Variants in NRXN3 observed in about 807,000 individuals in gnomAD.
The protein encoded by NRXN3 is neurexin III.
Under a neutral mutation model 137.6 loss-of-function variants are expected in NRXN3, and 32 were observed. The observed-to-expected ratio is 0.23, with a 90% CI of 0.18 to 0.31. The LOEUF (loss-of-function observed/expected upper bound fraction) is 0.31, where lower values mean the gene tolerates loss of function less well. Among genes scored for constraint, NRXN3 ranks in the 10% least tolerant of loss-of-function variants. NRXN3 has a pLI of 1.00. For missense variants in NRXN3, 1,574 were observed against 2,062.5 expected, an observed-to-expected ratio of 0.76 and a Z score of 4.59; for synonymous variants, 798 against 784.5, an observed-to-expected ratio of 1.02 and a Z score of -0.29.
chr14:79,272,394 T>C (rs2079491498), intron 15 of NRXN3, among the ~76,000 whole-genome samples: 2 of 152,162 alleles, frequency 1.3e-5, no homozygotes, highest in South Asian at 4.1e-4. Flanking sequence ...GGTTTCTTTG[T>C]ATCCTGAGTG....
Position 78,701,350 on chromosome 14 carries a change from C to G in NRXN3, c.1222-7867C>G, listed in dbSNP as rs55702113. On this transcript the variant is annotated intron_variant, in intron 6 of 20. Coordinates refer to ENST00000335750, the MANE Select transcript of NRXN3 (RefSeq NM_001330195.2). ...TAAAGCCTACGCTTAACTTGAGCAC[C>G]GGTAGTAATGACTCGCATTATCAGC... Among the ~76,000 whole-genome samples the G allele has an allele frequency of 2.0e-5, 3 of 152,158 alleles. No individual in the cohort carries two copies. In the South Asian group the frequency reaches 6.2e-4, roughly 32 times the overall value.
At chr14:78,942,778 C>T (rs1298332250) in intron 10 of NRXN3, among the ~76,000 whole-genome samples, 2 of 152,066 alleles carry the variant, frequency 1.3e-5, no homozygotes, top group Non-Finnish European at 2.9e-5. Context: ...AAATGTTCCC[C>T]AAACAACTAA....
intron 15 of NRXN3, among the ~76,000 whole-genome samples, chr14:79,439,577 G>C (rs1370310499): frequency 6.6e-6 from 1 of 152,112 alleles, no homozygotes; most frequent in Non-Finnish European, 1.5e-5. Context: ...AGGGTCTCTG[G>C]AGACCTGACC....
chr14:79,223,724 A>T (rs2070274893), intron 15 of NRXN3, among the ~76,000 whole-genome samples: 1 of 152,160 alleles, frequency 6.6e-6, no homozygotes, highest in Non-Finnish European at 1.5e-5. Flanking sequence ...GACATTTTTT[A>T]GCACTTTGCT....
At chr14:78,714,222 G>A (rs1674359069) in intron 7 of NRXN3, among the ~76,000 whole-genome samples, 1 of 152,198 alleles carries the variant, frequency 6.6e-6, no homozygotes. Flanking sequence ...TCTTTTGGGG[G>A]TTGGTGAGCC....
chr14:79,280,908 C>T (rs1868635), intron 15 of NRXN3: 49,771 of 199,300 alleles, frequency 0.25, 7,474 homozygotes, highest in Admixed American at 0.41. Context: ...ATTCACCTTG[C>T]TTTCACCCTT....
At chr14:78,932,863 C>A (rs1337503016) in intron 10 of NRXN3, among the ~76,000 whole-genome samples, 2 of 152,118 alleles carry the variant, frequency 1.3e-5, no homozygotes, top group Non-Finnish European at 2.9e-5. Context: ...TTCAGGGAAT[C>A]TATTAAAAAT....
At chr14:79,119,557 A>C (rs978016394) in intron 15 of NRXN3, among the ~76,000 whole-genome samples, 2 of 152,194 alleles carry the variant, frequency 1.3e-5, no homozygotes, top group African/African-American at 4.8e-5. Context: ...TAAACAGCTT[A>C]TTTAAAGTCA....
intron 6 of NRXN3, among the ~76,000 whole-genome samples, chr14:78,699,044 C>T (rs956995917): frequency 2.0e-5 from 3 of 152,122 alleles, no homozygotes; most frequent in South Asian, 2.1e-4. Flanking sequence ...TTGTGTCAGG[C>T]ATTGAGAGAT....
rs76968561 is a variant in NRXN3, at chr14:79,280,100, T to C, written c.3263-187121T>C. ...GAGAAGGGGCTTTTTGCCTTTTATC[T>C]TTTTTTTTTCTTTCTTTAAGTAGTA... On this transcript the variant is annotated intron_variant, in intron 15 of 20. Transcript: ENST00000335750. The C allele has an allele frequency of 2.7e-3, 3,303 of 1,234,452 alleles. 70 individuals are homozygous for C. The African/African-American group carries it at 0.059, about 22-fold the overall frequency. 76.5% of individuals were successfully genotyped at this position (1,234,452 alleles called of 1,614,324 possible).
chr14:79,399,985 C>T (rs1347164297), intron 15 of NRXN3, among the ~76,000 whole-genome samples: 1 of 152,146 alleles, frequency 6.6e-6, no homozygotes, highest in African/African-American at 2.4e-5. Flanking sequence ...CTTCCCTGTG[C>T]ATATGTGTGT....
intron 15 of NRXN3, among the ~76,000 whole-genome samples, chr14:79,142,767 G>A (rs866518432): frequency 6.6e-6 from 1 of 152,140 alleles, no homozygotes; most frequent in Non-Finnish European, 1.5e-5. Flanking sequence ...GGAGAGAAAT[G>A]ATGAGGAATG....
intron 15 of NRXN3, among the ~76,000 whole-genome samples, chr14:79,208,488 A>G (rs150788996): frequency 6.6e-6 from 1 of 152,330 alleles, no homozygotes; most frequent in East Asian, 1.9e-4. Context: ...TTAGCAAAGA[A>G]TATTTCTTCA....
chr14:78,560,955 C>T (rs1275782932), intron 4 of NRXN3, among the ~76,000 whole-genome samples: 1 of 152,180 alleles, frequency 6.6e-6, no homozygotes, highest in Non-Finnish European at 1.5e-5. Flanking sequence ...TGCTTTTTCG[C>T]ATCATGGTGA....
At chr14:79,836,813 C>A (rs924187998) in intron 20 of NRXN3, among the ~76,000 whole-genome samples, 3 of 151,956 alleles carry the variant, frequency 2.0e-5, no homozygotes, top group East Asian at 1.9e-4. Flanking sequence ...CCCACACACA[C>A]ACAAAAAATC....
chr14:79,353,706 C>T (rs950212179), intron 15 of NRXN3, among the ~76,000 whole-genome samples: 6 of 152,218 alleles, frequency 3.9e-5, no homozygotes, highest in African/African-American at 1.4e-4. Flanking sequence ...GCTTTGCATA[C>T]ATTTTCTCAT....
At chr14:78,405,787 G>A (rs981895056) in intron 4 of NRXN3, among the ~76,000 whole-genome samples, 1 of 152,108 alleles carries the variant, frequency 6.6e-6, no homozygotes. Flanking sequence ...ACAAAAATAT[G>A]GACTTAATAT....
At chr14:78,913,513 TG>T (rs1343882090) in intron 10 of NRXN3, among the ~76,000 whole-genome samples, 5 of 151,844 alleles carry the variant, frequency 3.3e-5, no homozygotes, top group Non-Finnish European at 5.9e-5. Context: ...CTCTTGACTT[TG>T]TGATCTGCCT....
intron 15 of NRXN3, among the ~76,000 whole-genome samples, chr14:79,313,669 G>A (rs557024641): frequency 4.8e-3 from 75 of 15,480 alleles, no homozygotes; most frequent in African/African-American, 0.011. Flanking sequence ...TTCCCTTCTC[G>A]CTTCATTTCA....
Sources: allele counts gnomAD v4.1 joint callset (sites outside exome capture counted in the v4.1 genomes callset), GRCh38; gene constraint gnomAD v4.1.1; transcripts MANE v1.5; gene names NCBI Gene and HGNC (gene_info 2026-07-23, HGNC 2026-07-21).